RAB6A: variants seen among roughly 807,000 people sequenced by gnomAD.
RAB6A encodes ras-related protein Rab-6A.
Under a neutral mutation model 32.3 loss-of-function variants are expected in RAB6A, and 8 were observed. The ratio of observed to expected loss-of-function variants is 0.25; its 90% CI spans 0.15 to 0.45. The LOEUF (loss-of-function observed/expected upper bound fraction) is 0.45, where lower values mean the gene tolerates loss of function less well. Ranked by LOEUF, RAB6A falls within the 20% of genes least tolerant of loss-of-function variation. RAB6A has a pLI of 1.00. For synonymous variants in RAB6A, 73 were observed against 82.1 expected (o/e 0.89, Z 0.60); for missense variants, 104 against 249.4 (o/e 0.42, Z 3.93).
chr11:73,734,307 G>C (rs1234960409), intron 1 of RAB6A, among the ~76,000 whole-genome samples: 1 of 152,074 alleles, frequency 6.6e-6, no homozygotes, highest in East Asian at 1.9e-4. Flanking sequence ...TGTATTTTTA[G>C]TAGAGACAGA....
chr11:73,683,314 G>A (rs893583730), intron 6 of RAB6A, among the ~76,000 whole-genome samples: 4 of 147,074 alleles, frequency 2.7e-5, no homozygotes, highest in Non-Finnish European at 5.9e-5. Flanking sequence ...GGAGTGCAGT[G>A]GCACAATCAT....
intron 1 of RAB6A, among the ~76,000 whole-genome samples, chr11:73,735,321 T>C (rs1220580755): frequency 2.6e-5 from 4 of 152,132 alleles, no homozygotes; most frequent in Non-Finnish European, 5.9e-5. Context: ...AGGGCAAATA[T>C]AATAGAAAAA....
chr11:73,680,743 T>C (rs1486966938), intron 6 of RAB6A, among the ~76,000 whole-genome samples: 2 of 152,172 alleles, frequency 1.3e-5, no homozygotes, highest in Non-Finnish European at 2.9e-5. Context: ...TCATCGTTCA[T>C]TAGAAAAGCA....
chr11:73,736,595 C>T (rs1946396992), intron 1 of RAB6A, among the ~76,000 whole-genome samples: 1 of 151,624 alleles, frequency 6.6e-6, no homozygotes, highest in Non-Finnish European at 1.5e-5. Context: ...AGTTTGAGAC[C>T]AGCCTGGCCA....
chr11:73,744,381 C>T (rs950556395), intron 1 of RAB6A, among the ~76,000 whole-genome samples: 2 of 148,156 alleles, frequency 1.3e-5, no homozygotes, highest in African/African-American at 5.0e-5. Flanking sequence ...TGTAGTAGCA[C>T]ATGCTTGTGG....
At chr11:73,712,129 CATT>C (rs1462536192) in intron 5 of RAB6A, among the ~76,000 whole-genome samples, 3 of 152,238 alleles carry the variant, frequency 2.0e-5, no homozygotes, top group South Asian at 2.1e-4. Context: ...GCATTAGTAT[CATT>C]AAGAACCAGA....
chr11:73,699,032 T>C (rs1300767454), intron 6 of RAB6A, among the ~76,000 whole-genome samples: 1 of 152,048 alleles, frequency 6.6e-6, no homozygotes, highest in Non-Finnish European at 1.5e-5. Context: ...TTTGTATTTT[T>C]AGTAGAGACA....
In RAB6A at chr11:73,677,866, C is replaced by T. The variant is rs1299923038; in HGVS notation, c.*32G>A. On this transcript the variant is annotated 3_prime_UTR_variant, in exon 8 of 8. Coordinates refer to ENST00000336083, the MANE Select transcript of RAB6A (RefSeq NM_198896.2). ...AGAGTAAGGGGGCCAAAGCAGTGAG[C>T]TTCTGAAGAAGGTTGAAGATGACAT... The T allele has an allele frequency of 1.2e-6, 2 of 1,613,684 alleles. No homozygotes were observed. Among genetic ancestry groups the T allele is most frequent in the Non-Finnish European group, 1.7e-6 (2 of 1,179,722 alleles).
chr11:73,689,260 G>A (rs949743780), intron 6 of RAB6A, among the ~76,000 whole-genome samples: 1 of 152,150 alleles, frequency 6.6e-6, no homozygotes, highest in Non-Finnish European at 1.5e-5. Flanking sequence ...GATAGTTTTG[G>A]GATGAAACTG....
intron 2 of RAB6A, among the ~76,000 whole-genome samples, chr11:73,723,799 A>C (rs545112455): frequency 1.4e-4 from 21 of 152,300 alleles, no homozygotes; most frequent in Middle Eastern, 3.4e-3. Context: ...AGTATGAGAG[A>C]AAAAAACCAG....
In RAB6A at chr11:73,720,502, A is replaced by G. The variant is rs545422686; in HGVS notation, c.183+344T>C. On this transcript the variant is annotated intron_variant, in intron 3 of 7. Coordinates refer to ENST00000336083, the MANE Select transcript of RAB6A (RefSeq NM_198896.2). ...CTGCCCACATAACTTCTTTTTTGTC[A>G]GTCACTTTGATACGCATCCTATCCT... is the stretch of plus-strand genomic sequence containing the variant. Among the ~76,000 whole-genome samples the G allele has an allele frequency of 1.9e-3, 285 of 152,172 alleles. 3 individuals carry two copies. Among genetic ancestry groups the G allele is most frequent in the African/African-American group, 6.8e-3 (281 of 41,550 alleles).
chr11:73,733,958 T>C (rs1209022127), intron 1 of RAB6A, among the ~76,000 whole-genome samples: 1 of 152,314 alleles, frequency 6.6e-6, no homozygotes, highest in Non-Finnish European at 1.5e-5. Flanking sequence ...AAAATCTTTT[T>C]CTCAAAGAGT....
intron 2 of RAB6A, among the ~76,000 whole-genome samples, chr11:73,723,138 T>C (rs1175938042): frequency 6.6e-6 from 1 of 152,012 alleles, no homozygotes; most frequent in African/African-American, 2.4e-5. Context: ...AAGCACGTAC[T>C]TGCAAGTACT....
intron 4 of RAB6A, 58 bp from the exon 5 acceptor site, chr11:73,716,420 G>A (rs936401984): frequency 3.9e-6 from 5 of 1,292,706 alleles, no homozygotes; most frequent in Non-Finnish European, 5.5e-6. Flanking sequence ...TCCCCAGGTG[G>A]TGGGCACCTC....
intron 1 of RAB6A, among the ~76,000 whole-genome samples, chr11:73,757,231 CCT>C (rs1946776170): frequency 6.9e-6 from 1 of 144,864 alleles, no homozygotes; most frequent in African/African-American, 2.6e-5. Context: ...GCACCCTCCG[CCT>C]CTCAGGTTCA....
At chr11:73,745,504 G>A (rs1333891274) in intron 1 of RAB6A, among the ~76,000 whole-genome samples, 4 of 152,144 alleles carry the variant, frequency 2.6e-5, no homozygotes, top group Non-Finnish European at 4.4e-5. Context: ...CAGTACTTTG[G>A]GAGGCTGAAG....
At chr11:73,690,860 C>A (rs1945544804) in intron 6 of RAB6A, among the ~76,000 whole-genome samples, 1 of 145,012 alleles carries the variant, frequency 6.9e-6, no homozygotes. Flanking sequence ...AAATAAAAAC[C>A]AACAAAATGC....
rs955242604 is a variant in RAB6A, at chr11:73,677,236, G to T, written c.*662C>A. ...CAGTATGTTCTTTAGGACTCATTTT[G>T]AAGATGCACCAGGAGCCTTTTCTCA... On this transcript the variant is annotated 3_prime_UTR_variant, in exon 8 of 8. Coordinates refer to ENST00000336083, the MANE Select transcript of RAB6A (RefSeq NM_198896.2). 1.0e-4 allele frequency: 17 copies of T among 167,374 alleles called. No individual in the cohort carries two copies. The highest frequency in any genetic ancestry group is 3.9e-4 in the African/African-American group (16 of 41,426). 10.4% of individuals were successfully genotyped at this position (167,374 alleles called of 1,614,324 possible).
intron 2 of RAB6A, among the ~76,000 whole-genome samples, chr11:73,725,347 T>C (rs1337682060): frequency 1.3e-5 from 2 of 152,046 alleles, no homozygotes; most frequent in Non-Finnish European, 2.9e-5. Flanking sequence ...TGAGGAGAAA[T>C]GAGATGACTG....
Sources: allele counts gnomAD v4.1 joint callset (sites outside exome capture counted in the v4.1 genomes callset), GRCh38; gene constraint gnomAD v4.1.1; transcripts MANE v1.5; gene names NCBI Gene and HGNC (gene_info 2026-07-23, HGNC 2026-07-21).